Variants in GRIA1 observed in about 807,000 individuals in gnomAD.
GRIA1 encodes the protein glutamate ionotropic receptor AMPA type subunit 1, also known as glutamate receptor 1.
GRIA1 carries 31 observed loss-of-function variants against 99.2 expected under a neutral mutation model. The observed-to-expected ratio is 0.31, with a 90% CI of 0.23 to 0.42. GRIA1 has a LOEUF of 0.42. Among genes scored for constraint, GRIA1 ranks in the 10% least tolerant of loss-of-function variants. The probability of loss-of-function intolerance (pLI) is 1.00; values close to 1 mark genes in which losing one functional copy is unlikely to be tolerated. For synonymous variants in GRIA1, 438 were observed against 432.4 expected (o/e 1.01, Z -0.16); for missense variants, 782 against 1,157.5 (o/e 0.68, Z 4.71).
intron 2 of GRIA1, among the ~76,000 whole-genome samples, chr5:153,542,283 A>G (rs1759198042): frequency 1.3e-5 from 2 of 152,140 alleles, no homozygotes; most frequent in Admixed American, 1.3e-4. Flanking sequence ...TCAAACTTCT[A>G]TGCCTCCCCT....
intron 2 of GRIA1, among the ~76,000 whole-genome samples, chr5:153,522,218 C>T (rs965430182): frequency 6.6e-6 from 1 of 152,196 alleles, no homozygotes; most frequent in Non-Finnish European, 1.5e-5. Context: ...TCAGTTTTCT[C>T]ATTTGCAAGA....
At chr5:153,781,589 G>C (rs1461231) in intron 13 of GRIA1, among the ~76,000 whole-genome samples, 93,212 of 152,014 alleles carry the variant, frequency 0.61, 29,505 homozygotes, top group East Asian at 0.94. Context: ...AGCCAACTTC[G>C]ATGTACATGA....
intron 2 of GRIA1, among the ~76,000 whole-genome samples, chr5:153,547,339 T>C (rs1759701480): frequency 1.3e-5 from 2 of 152,190 alleles, no homozygotes; most frequent in Non-Finnish European, 2.9e-5. Context: ...ATCTAGGCTA[T>C]AGAAATGTCT....
At chr5:153,770,723 C>A (rs554791351) in intron 13 of GRIA1, among the ~76,000 whole-genome samples, 1 of 152,312 alleles carries the variant, frequency 6.6e-6, no homozygotes, top group Admixed American at 6.5e-5. Flanking sequence ...ATCTGTAACA[C>A]CCCATCCTTT....
At chr5:153,712,147 G>C (rs1005023152) in intron 11 of GRIA1, among the ~76,000 whole-genome samples, 1 of 152,128 alleles carries the variant, frequency 6.6e-6, no homozygotes, top group African/African-American at 2.4e-5. Context: ...CACCTCCCGG[G>C]TTCAAGCAAT....
chr5:153,756,264 C>A (rs957202855), intron 11 of GRIA1, among the ~76,000 whole-genome samples: 2 of 152,070 alleles, frequency 1.3e-5, no homozygotes, highest in African/African-American at 2.4e-5. Flanking sequence ...TCTCAGCTTT[C>A]ACCCCTCTTG....
chr5:153,796,108 G>C (rs1055110042), intron 14 of GRIA1, among the ~76,000 whole-genome samples: 16 of 151,156 alleles, frequency 1.1e-4, no homozygotes, highest in Non-Finnish European at 2.1e-4. Context: ...ACATTCAAGG[G>C]CCATTGAATT....
In GRIA1 at chr5:153,748,897, T is replaced by C. The variant is rs570947571; in HGVS notation, c.1824-15537T>C. Among the ~76,000 whole-genome samples the C allele has an allele frequency of 1.5e-4, 23 of 152,262 alleles. No homozygotes were observed. The South Asian group carries it at 3.3e-3, about 22-fold the overall frequency. The stretch of plus-strand genomic sequence containing the variant: ...GGTACCAAGTAGGCAGTTAAATATA[T>C]ACATTTAAAAAACAGGATAGGGGAT... On this transcript the variant is annotated intron_variant, in intron 11 of 15. Coordinates refer to ENST00000285900, the MANE Select transcript of GRIA1 (RefSeq NM_000827.4).
chr5:153,660,850 A>G (rs1218002366), intron 5 of GRIA1, among the ~76,000 whole-genome samples: 1 of 152,112 alleles, frequency 6.6e-6, no homozygotes, highest in East Asian at 1.9e-4. Flanking sequence ...CTACAACTAC[A>G]TTGATGGAAT....
rs1218399677 is a variant in GRIA1, at chr5:153,696,855, G to GGTGTGTGTGTGTGT, written c.1135-1183_1135-1182insGTGTGTGTGTGTGT. On this transcript the variant is annotated intron_variant, in intron 8 of 15. Transcript: ENST00000285900. ...ATAAGTATAGGAGGTATAGCTTTAG[G>GGTGTGTGTGTGTGT]GTGTGTATGTGTGTGTGTGTGTGTG... is the stretch of plus-strand genomic sequence containing the variant. Among the ~76,000 whole-genome samples, 22 of 111,402 alleles carry GGTGTGTGTGTGTGT rather than the reference G, an allele frequency of 2.0e-4. No homozygotes were observed. In the South Asian group the frequency reaches 3.0e-3, roughly 15 times the overall value. The allele number at this position is 111,402 out of a possible 152,430, so 73.1% of individuals were successfully genotyped here.
At chr5:153,514,840 C>T (rs1169215130) in intron 2 of GRIA1, among the ~76,000 whole-genome samples, 1 of 151,886 alleles carries the variant, frequency 6.6e-6, no homozygotes, top group African/African-American at 2.4e-5. Context: ...TAATGGACAA[C>T]AGATATATAA....
At chr5:153,744,154 G>A (rs1324549525) in intron 11 of GRIA1, among the ~76,000 whole-genome samples, 1 of 152,144 alleles carries the variant, frequency 6.6e-6, no homozygotes, top group African/African-American at 2.4e-5. Flanking sequence ...CATTCTGAGT[G>A]AGGACCCCTG....
At chr5:153,634,305 G>A (rs556163532) in intron 2 of GRIA1, among the ~76,000 whole-genome samples, 13 of 146,090 alleles carry the variant, frequency 8.9e-5, no homozygotes, top group African/African-American at 3.0e-4. Flanking sequence ...GCAACAGAGT[G>A]AGACTCCATC....
At position 153,607,065 on chromosome 5, in the gene GRIA1, A is replaced by ATATATATATATATATATG. The variant is rs1349350277; in HGVS notation, c.221-39859_221-39858insTATATATATATATGTATA. Among the ~76,000 whole-genome samples the ATATATATATATATATATG allele has an allele frequency of 2.2e-3, 330 of 147,412 alleles. 1 individual carries two copies. The highest frequency in any genetic ancestry group is 7.7e-3 in the African/African-American group (312 of 40,394). On this transcript the variant is annotated intron_variant, in intron 2 of 15. Transcript: ENST00000285900. ...AAGATATATATATATATATATATATATATAATCACAGTTTCTTTATCCACT... is the reference window on the plus strand; with the variant it reads ...AAGATATATATATATATATATATATATATATATATATATATATGTATAATCACAGTTTCTTTATCCACT...
Position 153,770,164 on chromosome 5 carries a change from C to A in GRIA1, c.2023-4C>A, listed in dbSNP as rs756916547. ...AATTCCAGCTTTGTTTCTGTCCCTA[C>A]CAGAGGTCTAAAATTGCTGTGTTTG... On this transcript the variant is annotated splice_region_variant and splice_polypyrimidine_tract_variant and intron_variant, in intron 12 of 15. Transcript: ENST00000285900. 11 of 1,613,584 alleles carry A rather than the reference C, an allele frequency of 6.8e-6. No homozygotes were observed. The highest frequency in any genetic ancestry group is 8.5e-6 in the Non-Finnish European group (10 of 1,179,598).
At position 153,813,145 on chromosome 5, in the gene GRIA1, C is replaced by T. The variant is rs994637076; in HGVS notation, c.*1920C>T. On this transcript the variant is annotated 3_prime_UTR_variant, in exon 16 of 16. Coordinates refer to ENST00000285900, the MANE Select transcript of GRIA1 (RefSeq NM_000827.4). ...ACTCAAGTGTTGTTGTTCAGTCTCTCGCGTGTCAATGTGGTCATGGTTCAT... is the reference window on the plus strand; with the variant it reads ...ACTCAAGTGTTGTTGTTCAGTCTCTTGCGTGTCAATGTGGTCATGGTTCAT... 1.3e-5 allele frequency: 2 copies of T among 152,188 alleles called. No individual in the cohort carries two copies. Among genetic ancestry groups the T allele is most frequent in the South Asian group, 2.1e-4 (1 of 4,832 alleles). 9.4% of individuals were successfully genotyped at this position (152,188 alleles called of 1,614,324 possible).
At chr5:153,660,257 A>G (rs1755265492) in intron 5 of GRIA1, among the ~76,000 whole-genome samples, 2 of 152,198 alleles carry the variant, frequency 1.3e-5, no homozygotes, top group Non-Finnish European at 2.9e-5. Flanking sequence ...AATTACAACA[A>G]TAATAACAAT....
At chr5:153,674,466 A>T in intron 5 of GRIA1, 34 bp from the exon 6 acceptor site, 2 of 1,612,620 alleles carry the variant, frequency 1.2e-6, no homozygotes, top group Non-Finnish European at 8.5e-7. Context: ...TCCAGGCAGC[A>T]TGTTCTAACT....
intron 2 of GRIA1, among the ~76,000 whole-genome samples, chr5:153,535,234 T>G (rs1172276796): frequency 6.6e-6 from 1 of 152,202 alleles, no homozygotes; most frequent in Non-Finnish European, 1.5e-5. Context: ...ACACAGGCCA[T>G]TTTTAATGGG....
Sources: gnomAD v4.1 joint callset for allele counts (sites outside exome capture counted in the v4.1 genomes callset) on GRCh38, gnomAD v4.1.1 for gene constraint, MANE v1.5 for transcripts, NCBI Gene and HGNC (gene_info 2026-07-23, HGNC 2026-07-21) for gene names.